Variants in LCLAT1 observed in about 807,000 individuals in gnomAD.
LCLAT1 encodes the protein lysocardiolipin acyltransferase 1, also known as 1-AGP acyltransferase 8.
A neutral mutation model predicts 30.7 loss-of-function variants in LCLAT1; 11 were observed. The ratio of observed to expected loss-of-function variants is 0.36; its 90% CI spans 0.23 to 0.59. The LOEUF is 0.59. LCLAT1 is among the 20% of genes least tolerant of loss of function. The probability of loss-of-function intolerance (pLI) is 0.77; values close to 1 mark genes in which losing one functional copy is unlikely to be tolerated. For missense variants in LCLAT1, 402 were observed against 458.6 expected (o/e 0.88, Z 1.13); for synonymous variants, 155 against 151.3 (o/e 1.02, Z -0.18).
At chr2:30,464,775 T>C (rs1682335383) in intron 1 of LCLAT1, among the ~76,000 whole-genome samples, 1 of 152,266 alleles carries the variant, frequency 6.6e-6, no homozygotes, top group South Asian at 2.1e-4. Flanking sequence ...AGAAGGCCTA[T>C]GACCTTGTCA....
At chr2:30,633,479 G>A (rs1486366198) in intron 5 of LCLAT1, among the ~76,000 whole-genome samples, 1 of 152,094 alleles carries the variant, frequency 6.6e-6, no homozygotes, top group African/African-American at 2.4e-5. Context: ...ACGAGGTCAA[G>A]AGATCAAGAC....
rs1666565538 is a variant in LCLAT1 at position 30,588,949 on chromosome 2, A to G, written c.628+20773A>G. On this transcript the variant is annotated intron_variant, in intron 5 of 5. Transcript: ENST00000379509. ...CTGTAATGAATTAATAAAAGACACA[A>G]TGAAATCCAGTCAAATAAAATTGCA... 3.3e-5 allele frequency among the ~76,000 whole-genome samples: 5 copies of G among 152,338 alleles called. No individual in the cohort carries two copies. In the South Asian group the frequency reaches 1.0e-3, roughly 32 times the overall value.
chr2:30,594,165 CTA>C (rs1375352614), intron 5 of LCLAT1, among the ~76,000 whole-genome samples: 1 of 151,958 alleles, frequency 6.6e-6, no homozygotes, highest in Non-Finnish European at 1.5e-5. Context: ...ACCTTTTAAT[CTA>C]TGTTATTTTT....
Position 30,545,929 on chromosome 2 carries a change from G to T in LCLAT1, c.364+12615G>T, listed in dbSNP as rs1448943638. On this transcript the variant is annotated intron_variant, in intron 3 of 5. Transcript: ENST00000379509. ...AAAGGAGAGTAATATTAAAGAGATA[G>T]TGATTTAAAACCTGTCCAAGTCATG... Among the ~76,000 whole-genome samples the T allele has an allele frequency of 3.3e-5, 5 of 152,124 alleles. No homozygotes were observed. The East Asian group carries it at 9.6e-4, about 29-fold the overall frequency.
At chr2:30,536,554 AG>A (rs1686254027) in intron 3 of LCLAT1, among the ~76,000 whole-genome samples, 1 of 152,262 alleles carries the variant, frequency 6.6e-6, no homozygotes, top group African/African-American at 2.4e-5. Flanking sequence ...TTAGAAATAA[AG>A]GAGACATAGT....
At chr2:30,597,336 T>C (rs985405893) in intron 5 of LCLAT1, among the ~76,000 whole-genome samples, 9 of 152,250 alleles carry the variant, frequency 5.9e-5, no homozygotes, top group African/African-American at 1.7e-4. Flanking sequence ...TGATTTGTAG[T>C]TCTCCTTGAA....
At chr2:30,556,809 G>T (rs903858932) in intron 3 of LCLAT1, among the ~76,000 whole-genome samples, 1 of 146,738 alleles carries the variant, frequency 6.8e-6, no homozygotes, top group East Asian at 2.0e-4. Flanking sequence ...GCAGTGGCAC[G>T]ATCTCGGCGC....
intron 1 of LCLAT1, among the ~76,000 whole-genome samples, chr2:30,521,489 CTTCTTTTTTTTTTTTTTTTTTTT>C (rs1685472598): frequency 1.8e-5 from 1 of 55,560 alleles, no homozygotes; most frequent in Non-Finnish European, 3.2e-5. Flanking sequence ...TAAACTACTT[CTTCTTTTTTTTTTTTTTTTTTTT>C]TTTTTTTTTT....
At chr2:30,477,178 A>C (rs966942051) in intron 1 of LCLAT1, among the ~76,000 whole-genome samples, 6 of 151,614 alleles carry the variant, frequency 4.0e-5, no homozygotes, top group Non-Finnish European at 7.4e-5. Context: ...GACATTTACC[A>C]CCCTCTTTAT....
intron 4 of LCLAT1, among the ~76,000 whole-genome samples, chr2:30,563,833 G>A (rs896776719): frequency 3.9e-5 from 6 of 152,170 alleles, no homozygotes; most frequent in African/African-American, 9.7e-5. Context: ...AGCCATAATA[G>A]GTTGTTAAGG....
chr2:30,452,605 AT>A (rs915320167), intron 1 of LCLAT1, among the ~76,000 whole-genome samples: 28 of 152,240 alleles, frequency 1.8e-4, no homozygotes, highest in African/African-American at 6.7e-4. Context: ...AACATAATAG[AT>A]TTTTTTGTTT....
At chr2:30,565,802 G>A (rs899493436) in intron 4 of LCLAT1, among the ~76,000 whole-genome samples, 1 of 152,166 alleles carries the variant, frequency 6.6e-6, no homozygotes, top group Admixed American at 6.5e-5. Context: ...AGTCATAGAA[G>A]GGGTGTAGGG....
chr2:30,569,037 G>T (rs1665650717), intron 5 of LCLAT1, among the ~76,000 whole-genome samples: 1 of 152,072 alleles, frequency 6.6e-6, no homozygotes, highest in Non-Finnish European at 1.5e-5. Context: ...CCAAGTAACT[G>T]GTTGGTAGGA....
At chr2:30,619,805 A>G (rs550409872) in intron 5 of LCLAT1, among the ~76,000 whole-genome samples, 313 of 152,220 alleles carry the variant, frequency 2.1e-3, no homozygotes, top group Middle Eastern at 3.4e-3. Flanking sequence ...TTTCCCCCCA[A>G]TCCTTAGTCA....
At chr2:30,476,468 T>G (rs888349731) in intron 1 of LCLAT1, 1 of 456,692 alleles carries the variant, frequency 2.2e-6, no homozygotes. Context: ...TGCATTCGAT[T>G]CTTACAGGAA....
At chr2:30,521,301 G>C (rs1685455666) in intron 1 of LCLAT1, among the ~76,000 whole-genome samples, 1 of 152,038 alleles carries the variant, frequency 6.6e-6, no homozygotes, top group East Asian at 1.9e-4. Flanking sequence ...CTCTGTCTGT[G>C]GAGTAGCCAT....
intron 3 of LCLAT1, among the ~76,000 whole-genome samples, chr2:30,556,207 T>C (rs938371141): frequency 6.6e-6 from 1 of 152,184 alleles, no homozygotes; most frequent in African/African-American, 2.4e-5. Context: ...ATGGGCAATA[T>C]ACATAAACAA....
At chr2:30,619,679 G>A (rs1668152649) in intron 5 of LCLAT1, among the ~76,000 whole-genome samples, 1 of 152,196 alleles carries the variant, frequency 6.6e-6, no homozygotes, top group Non-Finnish European at 1.5e-5. Context: ...TTAATAAGCT[G>A]AGCATGCCAA....
At chr2:30,593,777 G>A (rs911466338) in intron 5 of LCLAT1, among the ~76,000 whole-genome samples, 7 of 151,698 alleles carry the variant, frequency 4.6e-5, no homozygotes, top group South Asian at 2.1e-4. Context: ...GTATTGAATG[G>A]CCATAGATTA....
Sources: allele counts gnomAD v4.1 joint callset (sites outside exome capture counted in the v4.1 genomes callset), GRCh38; gene constraint gnomAD v4.1.1; transcripts MANE v1.5; gene names NCBI Gene and HGNC (gene_info 2026-07-23, HGNC 2026-07-21).